Variants in RPN1 observed in about 807,000 individuals in gnomAD.
The protein encoded by RPN1 is dolichyl-diphosphooligosaccharide--protein glycosyltransferase subunit 1.
RPN1 carries 12 observed loss-of-function variants against 55.5 expected under a neutral mutation model. The observed-to-expected ratio is 0.22, with a 90% CI of 0.14 to 0.35. The LOEUF (loss-of-function observed/expected upper bound fraction) is 0.35. Among genes scored for constraint, RPN1 ranks in the 10% least tolerant of loss-of-function variants. The pLI is 1.00. For synonymous variants in RPN1, 317 were observed against 305.9 expected, an observed-to-expected ratio of 1.04 and a Z score of -0.38; for missense variants, 679 against 761.3, an observed-to-expected ratio of 0.89 and a Z score of 1.27.
At position 128,630,106 on chromosome 3, in the gene RPN1, C is replaced by A; in HGVS notation, c.881G>T (p.Arg294Leu). The A allele has an allele frequency of 6.2e-7, 1 of 1,613,526 alleles. No homozygotes were observed. The highest frequency in any genetic ancestry group is 8.5e-7 in the Non-Finnish European group (1 of 1,179,604). Residue 294 changes from arginine to leucine, a missense_variant, in exon 5 of 10, where the codon CGG becomes CTG. Physicochemically the swap from Arg to Leu is moderately radical, Grantham distance 102. Around this residue, in one of 3 missense-constraint regions of RPN1, gnomAD observed 21 missense variants for 48.6 expected, o/e 0.43. Coordinates refer to ENST00000296255, the MANE Select transcript of RPN1 (RefSeq NM_002950.4). ...LPAAAQDVYYRDEIGNVSTSH... is the reference protein window; with the variant it reads ...LPAAAQDVYYLDEIGNVSTSH... ...GGTAGAAACATTGCCAATCTCATCC[C>A]GGTAATAAACATCCTGGGCAGCAGC...
rs1249460383 is a variant in RPN1, at chr3:128,622,403, C to A, written c.1402G>T (p.Ala468Ser). ...RLDFSITKDP[A>S]AEARMKVACI... Reference sequence around the variant, plus strand: ...GCTACCTTCATCCTGGCTTCTGCGGCTGGATCCTGAAGGAAGGAGAGGCAC... The same window carrying A: ...GCTACCTTCATCCTGGCTTCTGCGGATGGATCCTGAAGGAAGGAGAGGCAC... The change falls in exon 9 of 10, where the codon GCC becomes TCC. Residue 468 changes from alanine to serine, a missense_variant. Coordinates refer to ENST00000296255, the MANE Select transcript of RPN1 (RefSeq NM_002950.4). The A allele has an allele frequency of 5.6e-6, 9 of 1,614,046 alleles. No individual in the cohort carries two copies. The South Asian group carries it at 8.8e-5, about 16-fold the overall frequency.
rs532176925 is a variant in RPN1 at position 128,632,068 on chromosome 3, A to G, written c.723T>C (p.Asn241=). The G allele has an allele frequency of 3.8e-5, 62 of 1,614,156 alleles. No homozygotes were observed. The South Asian group carries it at 6.6e-4, about 17-fold the overall frequency. ...AGTCCACATTTTCTTCCACAGCAAT[A>G]TTACCCCAGTGAGAGACTTCAATGA... ...TRVIEVSHWG[N]IAVEENVDLK... The change falls in exon 4 of 10, where the codon AAT becomes AAC. Residue 241 remains asparagine (N), a synonymous_variant. Transcript: ENST00000296255.
chr3:128,648,111 T>C (rs2069783177), intron 1 of RPN1, among the ~76,000 whole-genome samples: 1 of 151,498 alleles, frequency 6.6e-6, no homozygotes, highest in African/African-American at 2.4e-5. Flanking sequence ...ATACAAAAAT[T>C]GGCCGGGCGC....
chr3:128,623,901 TG>T (rs2069578747), intron 8 of RPN1, among the ~76,000 whole-genome samples: 1 of 152,070 alleles, frequency 6.6e-6, no homozygotes, highest in Admixed American at 6.6e-5. Context: ...AGAATACCCT[TG>T]CTCTCAGGCT....
At chr3:128,633,383 C>A (rs991880549) in intron 3 of RPN1, among the ~76,000 whole-genome samples, 1 of 151,908 alleles carries the variant, frequency 6.6e-6, no homozygotes, top group Non-Finnish European at 1.5e-5. Flanking sequence ...CATGCCACCA[C>A]GCCCAGCTAA....
chr3:128,648,643 T>C (rs971786307), intron 1 of RPN1, among the ~76,000 whole-genome samples: 3 of 152,124 alleles, frequency 2.0e-5, no homozygotes, highest in African/African-American at 4.8e-5. Flanking sequence ...TTGGAAAATA[T>C]ACATCTCCTT....
In RPN1 at chr3:128,638,107, T is replaced by G. The variant is rs2069694909; in HGVS notation, c.327-2A>C. 2 of 1,609,260 alleles carry G rather than the reference T, an allele frequency of 1.2e-6. No individual in the cohort carries two copies. The highest frequency in any genetic ancestry group is 8.5e-7 in the Non-Finnish European group (1 of 1,176,030). ...AGCTTGACTGTGAAGAATCTCCCAC[T>G]AAAGGAAGAACAAGGCAAGAGAAGT... On this transcript the variant is annotated splice_acceptor_variant, in intron 2 of 9. Transcript: ENST00000296255. LOFTEE classifies it high-confidence loss of function.
chr3:128,647,997 G>A (rs1210699053), intron 1 of RPN1, among the ~76,000 whole-genome samples: 1 of 152,162 alleles, frequency 6.6e-6, no homozygotes, highest in African/African-American at 2.4e-5. Flanking sequence ...GGTGGCTCAC[G>A]CCTGCAATCC....
intron 5 of RPN1, among the ~76,000 whole-genome samples, chr3:128,629,209 C>A (rs573942742): frequency 1.3e-5 from 2 of 152,186 alleles, no homozygotes; most frequent in African/African-American, 4.8e-5. Flanking sequence ...TAATAATTCA[C>A]TGAGCTATAC....
At chr3:128,636,289 C>A (rs747776548) in intron 3 of RPN1, among the ~76,000 whole-genome samples, 1 of 151,846 alleles carries the variant, frequency 6.6e-6, no homozygotes, top group Non-Finnish European at 1.5e-5. Flanking sequence ...GGAGAAACCC[C>A]GTCTCTACAA....
In RPN1 at chr3:128,625,920, A is replaced by G. The variant is rs772061094; in HGVS notation, c.1229T>C (p.Val410Ala). 1.2e-6 allele frequency: 2 copies of G among 1,613,944 alleles called. No homozygotes were observed. The highest frequency in any genetic ancestry group is 1.6e-4 in the Middle Eastern group (1 of 6,062). The change falls in exon 7 of 10, where the codon GTT becomes GCT. Residue 410 changes from valine to alanine, a missense_variant. Physicochemically the swap from Val to Ala is moderately conservative, Grantham distance 64 (BLOSUM62 0). Around this residue, in one of 3 missense-constraint regions of RPN1, gnomAD observed 306 missense variants for 360.0 expected, o/e 0.85. Coordinates refer to ENST00000296255, the MANE Select transcript of RPN1 (RefSeq NM_002950.4). The stretch of plus-strand genomic sequence containing the variant: ...TTCTACCAGATTTTTCTTGTAGGCA[A>G]CAATCACAGGGCGGCCAAATGTGTC... ...YLDTFGRPVI[V>A]AYKKNLVEQH...
At chr3:128,623,073 A>T (rs764637804) in intron 8 of RPN1, among the ~76,000 whole-genome samples, 2 of 152,232 alleles carry the variant, frequency 1.3e-5, no homozygotes, top group Non-Finnish European at 2.9e-5. Context: ...ATTCTATAAA[A>T]CTGGTCTCTA....
At chr3:128,642,009 T>C (rs1049571984) in intron 2 of RPN1, among the ~76,000 whole-genome samples, 3 of 152,120 alleles carry the variant, frequency 2.0e-5, no homozygotes, top group Admixed American at 6.6e-5. Context: ...AGAGCTAGGA[T>C]TTGATCCCAG....
Position 128,625,553 on chromosome 3 carries a change from A to G in RPN1, c.1376T>C (p.Leu459Pro). The change falls in exon 8 of 10, where the codon CTG (leucine) becomes CCG (proline). Residue 459 changes from leucine to proline, a missense_variant. Coordinates refer to ENST00000296255, the MANE Select transcript of RPN1 (RefSeq NM_002950.4). ...CGGTACCTTGGTGATGGAGAAGTCC[A>G]GCCGAACATAGATGATAACGGTGAA... ...LFFTVIIYVR[L>P]DFSITKDPAA... 6.2e-7 allele frequency: 1 copy of G among 1,614,140 alleles called. No individual in the cohort carries two copies. The highest frequency in any genetic ancestry group is 2.2e-5 in the East Asian group (1 of 44,852).
At chr3:128,627,700 G>C (rs1463280828) in intron 5 of RPN1, among the ~76,000 whole-genome samples, 1 of 151,542 alleles carries the variant, frequency 6.6e-6, no homozygotes, top group Non-Finnish European at 1.5e-5. Flanking sequence ...GAACCCAGGA[G>C]GTGGAGGTTG....
intron 3 of RPN1, among the ~76,000 whole-genome samples, chr3:128,635,158 G>A (rs1248131697): frequency 2.0e-5 from 3 of 152,194 alleles, no homozygotes; most frequent in Admixed American, 6.6e-5. Context: ...AGGGAGCTAT[G>A]TTTTGAGACA....
chr3:128,633,258 C>T (rs1415884185), intron 3 of RPN1, among the ~76,000 whole-genome samples: 1 of 151,254 alleles, frequency 6.6e-6, no homozygotes, highest in African/African-American at 2.4e-5. Context: ...AACGGTCTCA[C>T]TCTGTCACCC....
At chr3:128,624,115 A>T (rs1043575360) in intron 8 of RPN1, among the ~76,000 whole-genome samples, 10 of 152,078 alleles carry the variant, frequency 6.6e-5, no homozygotes, top group African/African-American at 2.2e-4. Flanking sequence ...AGTATACAAA[A>T]AGTCAGCCCT....
intron 2 of RPN1, among the ~76,000 whole-genome samples, chr3:128,639,102 T>C (rs1402592156): frequency 3.9e-5 from 6 of 152,200 alleles, no homozygotes; most frequent in Non-Finnish European, 7.3e-5. Context: ...AAGATGTCCA[T>C]GTACAATGTA....
Sources: allele counts gnomAD v4.1 joint callset (sites outside exome capture counted in the v4.1 genomes callset), GRCh38; gene constraint gnomAD v4.1.1; regional missense constraint gnomAD v4.1.1; transcripts MANE v1.5; gene names NCBI Gene and HGNC (gene_info 2026-07-23, HGNC 2026-07-21).